The following NEK11 variants were observed in gnomAD, a reference collection of about 807,000 sequenced individuals.
The protein encoded by NEK11 is serine/threonine-protein kinase Nek11.
NEK11 carries 72 observed loss-of-function variants against 80.7 expected under a neutral mutation model. That is an observed-to-expected ratio of 0.89 (90% CI 0.74 to 1.08). The LOEUF (loss-of-function observed/expected upper bound fraction) is 1.08, where lower values mean the gene tolerates loss of function less well. NEK11 is among the 50% of genes least tolerant of loss of function. NEK11 has a pLI of 0.00. For synonymous variants in NEK11, 251 were observed against 260.7 expected (o/e 0.96, Z 0.36); for missense variants, 764 against 763.6 (o/e 1.00, Z -0.01).
chr3:131,265,432 T>C (rs2096031368), intron 16 of NEK11, among the ~76,000 whole-genome samples: 1 of 152,226 alleles, frequency 6.6e-6, no homozygotes, highest in South Asian at 2.1e-4. Context: ...GAAGGGGTGT[T>C]GAATTTTGTC....
At chr3:131,094,654 T>C (rs1267019597) in intron 4 of NEK11, among the ~76,000 whole-genome samples, 1 of 152,208 alleles carries the variant, frequency 6.6e-6, no homozygotes, top group Non-Finnish European at 1.5e-5. Context: ...TAGCTACTGT[T>C]ATATCAGCAA....
chr3:131,057,038 T>A (rs1447034515), intron 3 of NEK11, among the ~76,000 whole-genome samples: 1 of 55,880 alleles, frequency 1.8e-5, no homozygotes. Flanking sequence ...CCCTCCCCCC[T>A]CCCCCCACCC....
intron 3 of NEK11, 87 bp downstream of exon 3, chr3:131,029,965 T>C: frequency 7.9e-7 from 1 of 1,267,952 alleles, no homozygotes; most frequent in Non-Finnish European, 1.1e-6. Flanking sequence ...GCAGGCCAGG[T>C]ATGGTGGCTC....
intron 4 of NEK11, among the ~76,000 whole-genome samples, chr3:131,084,722 T>C (rs1194793978): frequency 1.3e-5 from 2 of 152,132 alleles, no homozygotes; most frequent in Non-Finnish European, 2.9e-5. Context: ...ATTTTATCAA[T>C]GTAGTACTAG....
intron 5 of NEK11, among the ~76,000 whole-genome samples, chr3:131,115,919 TTTCTTTCTTTC>T (rs2080990062): frequency 1.1e-5 from 1 of 88,320 alleles, no homozygotes; most frequent in South Asian, 4.0e-4. Flanking sequence ...TCTTTCTTTC[TTTCTTTCTTTC>T]TTTCTTTCTT....
intron 13 of NEK11, among the ~76,000 whole-genome samples, chr3:131,169,535 G>T (rs538892129): frequency 3.9e-5 from 6 of 152,088 alleles, no homozygotes; most frequent in Non-Finnish European, 8.8e-5. Flanking sequence ...ATCATGTTAG[G>T]CACTGTTTCT....
intron 3 of NEK11, among the ~76,000 whole-genome samples, chr3:131,069,493 C>G (rs923226528): frequency 6.6e-6 from 1 of 152,068 alleles, no homozygotes; most frequent in Admixed American, 6.6e-5. Flanking sequence ...ACCCAAATGA[C>G]TATAAATCAT....
intron 14 of NEK11, among the ~76,000 whole-genome samples, chr3:131,180,358 A>G (rs1330105882): frequency 1.3e-5 from 2 of 152,202 alleles, no homozygotes; most frequent in Non-Finnish European, 2.9e-5. Flanking sequence ...ACCCAAATAT[A>G]TAATTGAATC....
rs574472506 is a variant in NEK11 at position 131,032,743 on chromosome 3, G to A, written c.170+2865G>A. ...TTAAAATGAGTATAATACCTCATAGGATTGTAATAAGAATACGATATCTGC... is the reference window on the plus strand; with the variant it reads ...TTAAAATGAGTATAATACCTCATAGAATTGTAATAAGAATACGATATCTGC... On this transcript the variant is annotated intron_variant, in intron 3 of 17. Coordinates refer to ENST00000383366, the MANE Select transcript of NEK11 (RefSeq NM_024800.5). Among the ~76,000 whole-genome samples, 21 of 152,260 alleles carry A rather than the reference G, an allele frequency of 1.4e-4. 1 individual carries two copies. The highest frequency in any genetic ancestry group is 5.1e-4 in the African/African-American group (21 of 41,552).
chr3:131,031,475 G>C (rs2064837727), intron 3 of NEK11, among the ~76,000 whole-genome samples: 1 of 152,072 alleles, frequency 6.6e-6, no homozygotes, highest in Non-Finnish European at 1.5e-5. Flanking sequence ...ATCCAATTTT[G>C]GTTTCTTCAA....
chr3:131,087,658 A>C (rs2076184101), intron 4 of NEK11, among the ~76,000 whole-genome samples: 1 of 152,156 alleles, frequency 6.6e-6, no homozygotes, highest in South Asian at 2.1e-4. Flanking sequence ...TTTTATGCAA[A>C]AGTATTTAAA....
chr3:131,134,112 C>A, intron 7 of NEK11, 156 bp downstream of exon 7: 1 of 592,356 alleles, frequency 1.7e-6, no homozygotes, highest in Non-Finnish European at 2.6e-6. Context: ...GCATTTAGAA[C>A]TCAATATATT....
chr3:131,129,085 G>A (rs575990374), intron 5 of NEK11, among the ~76,000 whole-genome samples: 3 of 116,936 alleles, frequency 2.6e-5, no homozygotes, highest in East Asian at 2.9e-4. Flanking sequence ...ACTGAGTCTC[G>A]CTCTGTCACG....
chr3:131,055,823 C>T (rs577621871), intron 3 of NEK11, among the ~76,000 whole-genome samples: 11 of 152,228 alleles, frequency 7.2e-5, no homozygotes, highest in African/African-American at 1.9e-4. Context: ...GTTCATATTA[C>T]GTTTGGTATT....
intron 17 of NEK11, among the ~76,000 whole-genome samples, chr3:131,332,644 A>C (rs1402206683): frequency 6.6e-6 from 1 of 152,266 alleles, no homozygotes; most frequent in Non-Finnish European, 1.5e-5. Flanking sequence ...TGAGAGAAGA[A>C]GGCTTCAGAT....
At chr3:131,249,101 G>T (rs193178933) in intron 16 of NEK11, among the ~76,000 whole-genome samples, 5 of 150,350 alleles carry the variant, frequency 3.3e-5, no homozygotes, top group African/African-American at 1.2e-4. Context: ...TGACAAAAAA[G>T]GAAAAAAGCT....
intron 17 of NEK11, among the ~76,000 whole-genome samples, chr3:131,310,850 C>T (rs1004223371): frequency 1.3e-5 from 2 of 152,142 alleles, no homozygotes; most frequent in African/African-American, 4.8e-5. Flanking sequence ...ATTTTTTAAG[C>T]TGTTGTTGTC....
At chr3:131,168,389 C>T (rs2092423435) in intron 12 of NEK11, among the ~76,000 whole-genome samples, 1 of 148,760 alleles carries the variant, frequency 6.7e-6, no homozygotes, top group Non-Finnish European at 1.5e-5. Context: ...CGGAGTCTCG[C>T]TCTGTCGCCC....
intron 5 of NEK11, among the ~76,000 whole-genome samples, chr3:131,129,797 A>AT (rs577658713): frequency 6.6e-6 from 1 of 151,592 alleles, no homozygotes; most frequent in African/African-American, 2.4e-5. Flanking sequence ...TGTTTTATTG[A>AT]TTTTTTTTCT....
Sources: gnomAD v4.1 joint callset for allele counts (sites outside exome capture counted in the v4.1 genomes callset) on GRCh38, gnomAD v4.1.1 for gene constraint, MANE v1.5 for transcripts, NCBI Gene and HGNC (gene_info 2026-07-23, HGNC 2026-07-21) for gene names.